INO80: variants seen among roughly 807,000 people sequenced by gnomAD.
The protein encoded by INO80 is chromatin-remodeling ATPase INO80.
A neutral mutation model predicts 203.4 loss-of-function variants in INO80; 20 were observed. That is an observed-to-expected ratio of 0.10 (90% CI 0.07 to 0.14). INO80 has a LOEUF of 0.14. Ranked by LOEUF, INO80 falls within the 10% of genes least tolerant of loss-of-function variation. The probability of loss-of-function intolerance (pLI) is 1.00; values close to 1 mark genes in which losing one functional copy is unlikely to be tolerated. For missense variants in INO80, 1,419 were observed against 1,914.4 expected, an observed-to-expected ratio of 0.74 and a Z score of 4.83; for synonymous variants, 726 against 685.2, an observed-to-expected ratio of 1.06 and a Z score of -0.93.
At chr15:40,986,316 C>CTTTTTTTTT (rs551165963) in intron 31 of INO80, among the ~76,000 whole-genome samples, 5 of 90,672 alleles carry the variant, frequency 5.5e-5, no homozygotes, top group Admixed American at 1.6e-4. Context: ...CTCCACAATG[C>CTTTTTTTTT]TTTTTTTTTT....
intron 27 of INO80, among the ~76,000 whole-genome samples, chr15:41,015,441 C>A (rs2044189353): frequency 6.6e-6 from 1 of 152,076 alleles, no homozygotes; most frequent in Admixed American, 6.6e-5. Context: ...ACGCAGAGAA[C>A]TAATCCTAAA....
intron 23 of INO80, 125 bp downstream of exon 23, chr15:41,047,283 C>T (rs11070320): frequency 0.96 from 694,603 of 727,302 alleles, 335,367 homozygotes; most frequent in East Asian, 1. Flanking sequence ...TTATTCTTAA[C>T]AAAAGAAAAT....
intron 9 of INO80, 82 bp from the exon 10 acceptor site, chr15:41,074,647 C>T: frequency 1.1e-6 from 1 of 880,404 alleles, no homozygotes. Flanking sequence ...CTTATATTTG[C>T]ATACAATTCC....
intron 2 of INO80, 82 bp downstream of exon 2, chr15:41,096,086 G>A: frequency 6.9e-7 from 1 of 1,452,986 alleles, no homozygotes; most frequent in Non-Finnish European, 9.2e-7. Context: ...AAAATCATAA[G>A]ATACTTTAAT....
chr15:41,109,377 G>A (rs2045927549), intron 1 of INO80, among the ~76,000 whole-genome samples: 1 of 152,020 alleles, frequency 6.6e-6, no homozygotes, highest in South Asian at 2.1e-4. Flanking sequence ...CCTGAACCCG[G>A]GAGGCGGAGG....
At chr15:40,988,020 A>G in intron 29 of INO80, 46 bp from the exon 30 acceptor site, 1 of 1,523,718 alleles carries the variant, frequency 6.6e-7, no homozygotes, top group Non-Finnish European at 9.0e-7. Context: ...GGGAAGGACC[A>G]GAAATTCTGA....
intron 27 of INO80, among the ~76,000 whole-genome samples, chr15:41,010,152 ACAC>A (rs1305833955): frequency 1.3e-5 from 2 of 152,042 alleles, no homozygotes; most frequent in Non-Finnish European, 2.9e-5. Context: ...TCACATCCAC[ACAC>A]CACATCAGTG....
chr15:41,018,490 G>C (rs1186845413), intron 26 of INO80: 2 of 152,196 alleles, frequency 1.3e-5, no homozygotes, highest in Non-Finnish European at 1.5e-5. Context: ...TTGTTATCTT[G>C]TTATTGTGTA....
chr15:41,050,481 T>G (rs2044850934), intron 19 of INO80, among the ~76,000 whole-genome samples: 1 of 152,194 alleles, frequency 6.6e-6, no homozygotes, highest in African/African-American at 2.4e-5. Flanking sequence ...AGAAAAACAG[T>G]TCTCTTTTCC....
chr15:40,979,972 C>A lies in INO80; in HGVS notation c.*251G>T, dbSNP rs1398669262. On this transcript the variant is annotated 3_prime_UTR_variant, in exon 36 of 36. Coordinates refer to ENST00000648947, the MANE Select transcript of INO80 (RefSeq NM_017553.3). ...GTGAGAGGTTTAAGACTTGGCTATACAGTTCACTTGAGATGCAGTGGGGCT... is the reference window on the plus strand; with the variant it reads ...GTGAGAGGTTTAAGACTTGGCTATAAAGTTCACTTGAGATGCAGTGGGGCT... The A allele has an allele frequency of 1.5e-5, 8 of 538,942 alleles. No homozygotes were observed. The East Asian group carries it at 2.3e-4, about 15-fold the overall frequency. The allele number at this position is 538,942 out of a possible 1,614,324, so 33.4% of individuals were successfully genotyped here. A position where few individuals can be genotyped will look rare whatever the true frequency, so the allele number is the denominator to read the frequency against.
chr15:41,076,349 G>C (rs568007672), intron 9 of INO80, among the ~76,000 whole-genome samples: 13 of 151,084 alleles, frequency 8.6e-5, no homozygotes, highest in Admixed American at 7.2e-4. Flanking sequence ...AACAGAGCAA[G>C]ACTCTGTCTC....
chr15:41,066,625 T>TA (rs1251905217), intron 14 of INO80, among the ~76,000 whole-genome samples: 4 of 151,158 alleles, frequency 2.6e-5, no homozygotes, highest in African/African-American at 4.9e-5. Context: ...GGCCAGGAGT[T>TA]AGAGACCAGC....
chr15:41,006,171 T>C (rs1368409374), intron 27 of INO80, among the ~76,000 whole-genome samples: 2 of 152,148 alleles, frequency 1.3e-5, no homozygotes, highest in Admixed American at 1.3e-4. Context: ...ATCACTGTTA[T>C]GGGAGGCCTA....
At chr15:41,100,513 A>G (rs778729660) in intron 1 of INO80, among the ~76,000 whole-genome samples, 1 of 152,200 alleles carries the variant, frequency 6.6e-6, no homozygotes, top group Non-Finnish European at 1.5e-5. Context: ...CCCAGTATAC[A>G]TCAGTCCTGT....
intron 15 of INO80, among the ~76,000 whole-genome samples, chr15:41,059,201 A>T (rs2045056900): frequency 6.6e-6 from 1 of 151,408 alleles, no homozygotes; most frequent in Middle Eastern, 3.4e-3. Flanking sequence ...GACTCAAGTG[A>T]TCCTCCTGCC....
intron 7 of INO80, among the ~76,000 whole-genome samples, chr15:41,083,836 T>C (rs1169126602): frequency 6.6e-6 from 1 of 152,222 alleles, no homozygotes; most frequent in South Asian, 2.1e-4. Flanking sequence ...TGCTACCCAG[T>C]TGTCTCGGCA....
Position 40,984,310 on chromosome 15 carries a change from C to G in INO80, c.3964G>C (p.Gly1322Arg). 1.9e-6 allele frequency: 3 copies of G among 1,614,138 alleles called. No homozygotes were observed. Among genetic ancestry groups the G allele is most frequent in the Admixed American group, 1.7e-5 (1 of 60,016 alleles). ...ACAAATGGGATCACCAGGTTCACAC[C>G]CTCTTTTCTCCTTTTCCCATCCAAT... ...DELDGKRRKE[G>R]VNLVIPFVPS... is the part of the protein sequence containing the mutation. The change falls in exon 33 of 36, where the codon GGT becomes CGT. Residue 1322 changes from glycine (G) to arginine (R), a missense_variant. Physicochemically the swap from Gly to Arg is moderately radical, Grantham distance 125. Around this residue, in one of 9 missense-constraint regions of INO80, gnomAD observed 214 missense variants for 248.9 expected, o/e 0.86. Coordinates refer to ENST00000648947, the MANE Select transcript of INO80 (RefSeq NM_017553.3).
rs567930022 is a variant in INO80, at chr15:41,073,313, T to C, written c.1395+115A>G. 5 of 869,798 alleles carry C rather than the reference T, an allele frequency of 5.7e-6. No homozygotes were observed. The East Asian group carries it at 7.4e-5, about 13-fold the overall frequency. 53.9% of individuals were successfully genotyped at this position (869,798 alleles called of 1,614,324 possible). On this transcript the variant is annotated intron_variant, in intron 11 of 35. Coordinates refer to ENST00000648947, the MANE Select transcript of INO80 (RefSeq NM_017553.3). ...GCTACTCACACACATATACACAAGC[T>C]AGTCTATGCTTTTAATTGCAAATGT...
At chr15:41,061,622 C>CA (rs967778088) in intron 14 of INO80, among the ~76,000 whole-genome samples, 8 of 149,458 alleles carry the variant, frequency 5.4e-5, no homozygotes, top group Admixed American at 1.3e-4. Flanking sequence ...GACTGTGTTT[C>CA]AAAAAAATAA....
Sources: gnomAD v4.1 joint callset for allele counts (sites outside exome capture counted in the v4.1 genomes callset) on GRCh38, gnomAD v4.1.1 for gene constraint, gnomAD v4.1.1 regional missense constraint, MANE v1.5 for transcripts, NCBI Gene and HGNC (gene_info 2026-07-23, HGNC 2026-07-21) for gene names.